FAM168A: variants seen among roughly 807,000 people sequenced by gnomAD.
FAM168A encodes the protein protein FAM168A.
Under a neutral mutation model 28.5 loss-of-function variants are expected in FAM168A, and 3 were observed. The observed-to-expected ratio is 0.11, with a 90% confidence interval of 0.05 to 0.27. FAM168A has a LOEUF of 0.27. FAM168A is among the 10% of genes least tolerant of loss of function. The probability of loss-of-function intolerance (pLI) is 1.00; values close to 1 mark genes in which losing one functional copy is unlikely to be tolerated. For missense variants in FAM168A, 222 were observed against 311.5 expected (o/e 0.71, Z 2.16); for synonymous variants, 122 against 124.2 (o/e 0.98, Z 0.12).
intron 1 of FAM168A, among the ~76,000 whole-genome samples, chr11:73,587,509 A>T (rs1384765127): frequency 6.6e-6 from 1 of 151,490 alleles, no homozygotes; most frequent in African/African-American, 2.4e-5. Flanking sequence ...AAAAAAAAGG[A>T]ATCTTCTGGA....
At chr11:73,522,690 C>T (rs963184212) in intron 1 of FAM168A, among the ~76,000 whole-genome samples, 9 of 151,018 alleles carry the variant, frequency 6.0e-5, no homozygotes, top group African/African-American at 2.2e-4. Flanking sequence ...TTGCAGTGTC[C>T]CAAATGCGGA....
intron 1 of FAM168A, among the ~76,000 whole-genome samples, chr11:73,512,863 T>C (rs1390685223): frequency 2.6e-5 from 4 of 152,198 alleles, no homozygotes; most frequent in Non-Finnish European, 2.9e-5. Context: ...TGTTCAATAA[T>C]ATTTAGTTGA....
intron 4 of FAM168A, among the ~76,000 whole-genome samples, chr11:73,418,799 C>T (rs934065773): frequency 6.7e-6 from 1 of 149,586 alleles, no homozygotes; most frequent in African/African-American, 2.5e-5. Context: ...AAATGCCACT[C>T]AGTAATTTCA....
intron 3 of FAM168A, among the ~76,000 whole-genome samples, chr11:73,421,864 G>A (rs548873669): frequency 6.6e-6 from 1 of 152,314 alleles, no homozygotes; most frequent in Admixed American, 6.5e-5. Flanking sequence ...TAGAGAATTT[G>A]GAGGTTCTCT....
rs1016948705 is a variant in FAM168A, at chr11:73,521,892, G to A, written c.-18-53400C>T. 5.3e-5 allele frequency among the ~76,000 whole-genome samples: 8 copies of A among 152,166 alleles called. No individual in the cohort carries two copies. The South Asian group carries it at 1.5e-3, about 28-fold the overall frequency. ...ATGGATGAGTGACAAATTATTTACAGAAGTAACCCAAAAGACTACATGAGG... is the reference window on the plus strand; with the variant it reads ...ATGGATGAGTGACAAATTATTTACAAAAGTAACCCAAAAGACTACATGAGG... On this transcript the variant is annotated intron_variant, in intron 1 of 7. Coordinates refer to ENST00000356467, the MANE Select transcript of FAM168A (RefSeq NM_015159.3).
intron 2 of FAM168A, among the ~76,000 whole-genome samples, chr11:73,454,092 A>C (rs2134551411): frequency 6.6e-6 from 1 of 152,336 alleles, no homozygotes; most frequent in South Asian, 2.1e-4. Flanking sequence ...TCACTGTAGG[A>C]GAGGGCGCTG....
At chr11:73,553,602 G>A (rs753869470) in intron 1 of FAM168A, among the ~76,000 whole-genome samples, 4 of 152,088 alleles carry the variant, frequency 2.6e-5, no homozygotes, top group Non-Finnish European at 4.4e-5. Flanking sequence ...TCTTTCTAGC[G>A]GGTAGTCACT....
chr11:73,586,300 G>A (rs753033253), intron 1 of FAM168A, among the ~76,000 whole-genome samples: 2 of 152,208 alleles, frequency 1.3e-5, no homozygotes, highest in Admixed American at 6.5e-5. Context: ...GACCACCACA[G>A]CAGGGTGCAA....
intron 1 of FAM168A, among the ~76,000 whole-genome samples, chr11:73,502,612 G>A (rs1855030347): frequency 1.3e-5 from 2 of 152,082 alleles, no homozygotes; most frequent in African/African-American, 4.8e-5. Context: ...CTAAACAACT[G>A]AAAAGGAGGG....
chr11:73,539,642 T>C (rs1943629237), intron 1 of FAM168A, among the ~76,000 whole-genome samples: 1 of 152,198 alleles, frequency 6.6e-6, no homozygotes, highest in South Asian at 2.1e-4. Context: ...AGATTACCTC[T>C]ACCTGTCCAT....
chr11:73,559,206 G>A (rs754368164), intron 1 of FAM168A, among the ~76,000 whole-genome samples: 7 of 152,134 alleles, frequency 4.6e-5, no homozygotes, highest in Non-Finnish European at 8.8e-5. Context: ...TCAGGAGTTC[G>A]AGACCGGCCT....
At chr11:73,453,412 G>A (rs951134506) in intron 2 of FAM168A, among the ~76,000 whole-genome samples, 1 of 152,126 alleles carries the variant, frequency 6.6e-6, no homozygotes, top group Non-Finnish European at 1.5e-5. Flanking sequence ...TAAATGCCAA[G>A]GAGTTCTCTT....
At chr11:73,559,966 A>G (rs1943938777) in intron 1 of FAM168A, among the ~76,000 whole-genome samples, 1 of 152,218 alleles carries the variant, frequency 6.6e-6, no homozygotes. Context: ...GAACAATGTA[A>G]ACAAAATCCT....
intron 1 of FAM168A, among the ~76,000 whole-genome samples, chr11:73,534,893 C>A (rs779483836): frequency 2.0e-5 from 3 of 152,104 alleles, no homozygotes; most frequent in African/African-American, 7.2e-5. Flanking sequence ...CAGTTGAGGG[C>A]AGGGTTACTA....
At chr11:73,588,194 C>T (rs1944338528) in intron 1 of FAM168A, among the ~76,000 whole-genome samples, 2 of 152,228 alleles carry the variant, frequency 1.3e-5, no homozygotes, top group South Asian at 4.1e-4. Flanking sequence ...GGCAGAAAAA[C>T]TATGATTATT....
intron 1 of FAM168A, among the ~76,000 whole-genome samples, chr11:73,523,351 C>T (rs11235792): frequency 0.08 from 12,208 of 152,058 alleles, 578 homozygotes; most frequent in Admixed American, 0.11. Flanking sequence ...TTTTAAGAGA[C>T]AGGGTCCTGC....
intron 3 of FAM168A, among the ~76,000 whole-genome samples, chr11:73,428,653 T>C (rs563924940): frequency 6.6e-6 from 1 of 152,376 alleles, no homozygotes; most frequent in African/African-American, 2.4e-5. Flanking sequence ...AAAGCCATTG[T>C]AGTTAAGATA....
At chr11:73,519,892 G>A (rs748471767) in intron 1 of FAM168A, among the ~76,000 whole-genome samples, 3 of 151,644 alleles carry the variant, frequency 2.0e-5, no homozygotes, top group African/African-American at 4.9e-5. Flanking sequence ...AAACTCCTGG[G>A]CTCAAGTAAT....
intron 2 of FAM168A, among the ~76,000 whole-genome samples, chr11:73,467,631 G>A (rs1030673789): frequency 6.6e-5 from 10 of 152,258 alleles, no homozygotes; most frequent in Admixed American, 1.3e-4. Flanking sequence ...AAGAACGAAG[G>A]CAGCCAGGAT....
Sources: allele counts gnomAD v4.1 joint callset (sites outside exome capture counted in the v4.1 genomes callset), GRCh38; gene constraint gnomAD v4.1.1; transcripts MANE v1.5; gene names NCBI Gene and HGNC (gene_info 2026-07-23, HGNC 2026-07-21).